The following RHOJ variants were observed in gnomAD, a reference collection of about 807,000 sequenced individuals.
RHOJ encodes the protein ras homolog family member J.
A neutral mutation model predicts 23.4 loss-of-function variants in RHOJ; 11 were observed. That is an observed-to-expected ratio of 0.47 (90% CI 0.30 to 0.78). RHOJ has a LOEUF of 0.78. RHOJ is among the 30% of genes least tolerant of loss of function. RHOJ has a pLI of 0.08. For synonymous variants in RHOJ, 102 were observed against 102.7 expected, an observed-to-expected ratio of 0.99 and a Z score of 0.04; for missense variants, 254 against 273.4, an observed-to-expected ratio of 0.93 and a Z score of 0.50.
chr14:63,275,952 TACC>T (rs1361100468), intron 2 of RHOJ, among the ~76,000 whole-genome samples: 2 of 152,186 alleles, frequency 1.3e-5, no homozygotes, highest in Non-Finnish European at 2.9e-5. Context: ...CTGACCCCTT[TACC>T]ATATTTTATA....
chr14:63,218,103 T>C (rs993338575), intron 1 of RHOJ, among the ~76,000 whole-genome samples: 1 of 152,220 alleles, frequency 6.6e-6, no homozygotes, highest in African/African-American at 2.4e-5. Flanking sequence ...CTCCATTCAA[T>C]TATCCCAGGT....
Position 63,214,435 on chromosome 14 carries a change from C to T in RHOJ, c.178+9388C>T, listed in dbSNP as rs1203662644. On this transcript the variant is annotated intron_variant, in intron 1 of 4. Transcript: ENST00000316754. ...AAGCCAAAAGGAGCAATTCTATAGTCAACCATCCATCAGTAAAAAGCAATT... is the reference window on the plus strand; with the variant it reads ...AAGCCAAAAGGAGCAATTCTATAGTTAACCATCCATCAGTAAAAAGCAATT... Among the ~76,000 whole-genome samples the T allele has an allele frequency of 2.0e-5, 3 of 152,282 alleles. No individual in the cohort carries two copies. The East Asian group carries it at 5.8e-4, about 29-fold the overall frequency.
At position 63,204,999 on chromosome 14, in the gene RHOJ, G is replaced by C. The variant is rs755819686; in HGVS notation, c.130G>C (p.Asp44His). The C allele has an allele frequency of 6.2e-7, 1 of 1,614,210 alleles. No homozygotes were observed. The highest frequency in any genetic ancestry group is 8.5e-7 in the Non-Finnish European group (1 of 1,180,046). ...KTCLLMSYANDAFPEEYVPTV... is the reference protein window; with the variant it reads ...KTCLLMSYANHAFPEEYVPTV... ...CTGCCTGCTGATGAGCTACGCCAAC[G>C]ACGCCTTCCCAGAGGAATACGTGCC... Residue 44 changes from aspartate to histidine, a missense_variant, in exon 1 of 5, where the codon GAC becomes CAC. Coordinates refer to ENST00000316754, the MANE Select transcript of RHOJ (RefSeq NM_020663.5).
In RHOJ at chr14:63,224,770, T is replaced by C. The variant is rs1894558820; in HGVS notation, c.178+19723T>C. Among the ~76,000 whole-genome samples, 3 of 152,084 alleles carry C rather than the reference T, an allele frequency of 2.0e-5. 1 individual carries two copies. In the South Asian group the frequency reaches 6.2e-4, roughly 32 times the overall value. The stretch of plus-strand genomic sequence containing the variant: ...TTGTTTGTTTCTTTCCTGATTCCCC[T>C]AGCATTCTGACTTTGGAAGTTAATG... On this transcript the variant is annotated intron_variant, in intron 1 of 4. Coordinates refer to ENST00000316754, the MANE Select transcript of RHOJ (RefSeq NM_020663.5).
intron 1 of RHOJ, among the ~76,000 whole-genome samples, chr14:63,226,594 C>T (rs1291517382): frequency 6.7e-6 from 1 of 148,970 alleles, no homozygotes; most frequent in African/African-American, 2.5e-5. Flanking sequence ...ACTATATATA[C>T]AAGAATAAAC....
At chr14:63,229,481 T>C (rs1029630037) in intron 1 of RHOJ, among the ~76,000 whole-genome samples, 2 of 152,128 alleles carry the variant, frequency 1.3e-5, no homozygotes, top group Admixed American at 6.5e-5. Flanking sequence ...AATCTGCTTC[T>C]AAGCTTATTC....
intron 1 of RHOJ, among the ~76,000 whole-genome samples, chr14:63,256,642 G>T (rs1360865186): frequency 1.3e-5 from 2 of 152,200 alleles, no homozygotes; most frequent in African/African-American, 4.8e-5. Flanking sequence ...CTGGACCGAA[G>T]TGACAAGAGT....
chr14:63,217,546 G>A (rs1894392405), intron 1 of RHOJ, among the ~76,000 whole-genome samples: 2 of 151,668 alleles, frequency 1.3e-5, no homozygotes, highest in South Asian at 2.1e-4. Flanking sequence ...AATTCAAGAT[G>A]GATTAAAGAC....
chr14:63,232,231 A>C lies in RHOJ; in HGVS notation c.178+27184A>C, dbSNP rs546189762. On this transcript the variant is annotated intron_variant, in intron 1 of 4. Transcript: ENST00000316754. Reference sequence around the variant, plus strand: ...TGAAGTCTTACATTCTTGGGAATTCAAGCATACTTTTCTTTTCTGATACTT... The same window carrying C: ...TGAAGTCTTACATTCTTGGGAATTCCAGCATACTTTTCTTTTCTGATACTT... Among the ~76,000 whole-genome samples, 7 of 152,340 alleles carry C rather than the reference A, an allele frequency of 4.6e-5. No individual in the cohort carries two copies. In the East Asian group the frequency reaches 1.2e-3, roughly 25 times the overall value.
rs1171746335 is a variant in RHOJ, at chr14:63,205,019, C to T, written c.150C>T (p.Tyr50=). Residue 50 remains tyrosine, a synonymous_variant, in exon 1 of 5, where the codon TAC becomes TAT. Transcript: ENST00000316754. ...SYANDAFPEE[Y]VPTVFDHYAV... ...CCAACGACGCCTTCCCAGAGGAATA[C>T]GTGCCCACTGTGTTTGACCACTATG... is the stretch of plus-strand genomic sequence containing the variant. 6.2e-7 allele frequency: 1 copy of T among 1,614,128 alleles called. No individual in the cohort carries two copies. The highest frequency in any genetic ancestry group is 8.5e-7 in the Non-Finnish European group (1 of 1,180,012).
intron 1 of RHOJ, among the ~76,000 whole-genome samples, chr14:63,214,496 G>T (rs1383950128): frequency 1.3e-5 from 2 of 152,164 alleles, no homozygotes; most frequent in African/African-American, 4.8e-5. Flanking sequence ...TCTTGACTTG[G>T]GAGTTTCCAG....
chr14:63,243,690 A>G (rs1236162503), intron 1 of RHOJ, among the ~76,000 whole-genome samples: 1 of 152,162 alleles, frequency 6.6e-6, no homozygotes, highest in Non-Finnish European at 1.5e-5. Context: ...CATGACCAAC[A>G]CCATATTTTA....
intron 1 of RHOJ, among the ~76,000 whole-genome samples, chr14:63,234,005 C>T (rs1894742526): frequency 6.6e-6 from 1 of 152,226 alleles, no homozygotes; most frequent in African/African-American, 2.4e-5. Flanking sequence ...TGGGATTGGG[C>T]CGCACTGCAC....
At chr14:63,274,403 C>T (rs1881650018) in intron 2 of RHOJ, among the ~76,000 whole-genome samples, 2 of 152,190 alleles carry the variant, frequency 1.3e-5, no homozygotes, top group Admixed American at 1.3e-4. Flanking sequence ...CCTCAGGACA[C>T]AATCTTACTT....
intron 4 of RHOJ, among the ~76,000 whole-genome samples, chr14:63,287,053 C>T (rs1480372554): frequency 6.6e-6 from 1 of 152,230 alleles, no homozygotes; most frequent in Non-Finnish European, 1.5e-5. Context: ...CGAGCTTACT[C>T]TGTTTATTCC....
chr14:63,222,428 T>G (rs1894514608), intron 1 of RHOJ, among the ~76,000 whole-genome samples: 1 of 152,192 alleles, frequency 6.6e-6, no homozygotes, highest in Non-Finnish European at 1.5e-5. Flanking sequence ...TGAACTAGTT[T>G]ACAGTCCCAC....
At position 63,204,863 on chromosome 14, in the gene RHOJ, C is replaced by A. The variant is rs762796091; in HGVS notation, c.-7C>A. ...AGCAGGAGTCCCCAGCAGCTGGAGCCGCAAGAATGAACTGCAAAGAGGGAA... is the reference window on the plus strand; with the variant it reads ...AGCAGGAGTCCCCAGCAGCTGGAGCAGCAAGAATGAACTGCAAAGAGGGAA... On this transcript the variant is annotated 5_prime_UTR_variant, in exon 1 of 5. Transcript: ENST00000316754. 1 of 1,609,966 alleles carries A rather than the reference C, an allele frequency of 6.2e-7. No homozygotes were observed. The highest frequency in any genetic ancestry group is 2.2e-5 in the East Asian group (1 of 44,712).
chr14:63,211,866 G>A (rs872853), intron 1 of RHOJ, among the ~76,000 whole-genome samples: 78,310 of 151,980 alleles, frequency 0.52, 21,737 homozygotes, highest in South Asian at 0.76. Context: ...GGGGTAAGTG[G>A]AGGCCATGGA....
chr14:63,238,477 T>C (rs1490244873), intron 1 of RHOJ, among the ~76,000 whole-genome samples: 1 of 152,172 alleles, frequency 6.6e-6, no homozygotes, highest in Admixed American at 6.6e-5. Context: ...AGTGCAGTGG[T>C]GCCATCTCAG....
Sources: allele counts gnomAD v4.1 joint callset (sites outside exome capture counted in the v4.1 genomes callset), GRCh38; gene constraint gnomAD v4.1.1; transcripts MANE v1.5; gene names NCBI Gene and HGNC (gene_info 2026-07-23, HGNC 2026-07-21).